Variants in APBA1 observed in about 807,000 individuals in gnomAD.
APBA1 encodes the protein amyloid beta precursor protein binding family A member 1.
APBA1 carries 55 observed loss-of-function variants against 86.6 expected under a neutral mutation model. The ratio of observed to expected loss-of-function variants is 0.64; its 90% CI spans 0.51 to 0.80. The LOEUF is 0.80. Among genes scored for constraint, APBA1 ranks in the 30% least tolerant of loss-of-function variants. The pLI is 0.00. For synonymous variants in APBA1, 511 were observed against 493.9 expected (o/e 1.03, Z -0.46); for missense variants, 1,090 against 1,183.0 (o/e 0.92, Z 1.15).
In APBA1 at chr9:69,429,497, G is replaced by A. The variant is rs1190653352; in HGVS notation, c.*1830C>T. ...AGTCCCTTTCCCCCCAGGGCACCTG[G>A]GCAGCCAGCGGCCTCCCTTCCTCAG... On this transcript the variant is annotated 3_prime_UTR_variant, in exon 13 of 13. Coordinates refer to ENST00000265381, the MANE Select transcript of APBA1 (RefSeq NM_001163.4). 2 of 152,284 alleles carry A rather than the reference G, an allele frequency of 1.3e-5. No individual in the cohort carries two copies. Among genetic ancestry groups the A allele is most frequent in the Non-Finnish European group, 2.9e-5 (2 of 68,124 alleles). The allele number at this position is 152,284 out of a possible 1,614,324, so 9.4% of individuals were successfully genotyped here.
chr9:69,497,049 G>C (rs1268568449), intron 2 of APBA1, among the ~76,000 whole-genome samples: 1 of 152,032 alleles, frequency 6.6e-6, no homozygotes, highest in Non-Finnish European at 1.5e-5. Flanking sequence ...GTTATAGAAA[G>C]CATCTACCCA....
intron 1 of APBA1, among the ~76,000 whole-genome samples, chr9:69,659,532 G>A (rs751111278): frequency 5.9e-5 from 9 of 151,952 alleles, no homozygotes; most frequent in African/African-American, 1.5e-4. Flanking sequence ...TCACCCCATC[G>A]CCTCTGCATC....
rs1409771910 is a variant in APBA1, at chr9:69,452,298, G to C, written c.1792C>G (p.Gln598Glu). 1.9e-6 allele frequency: 3 copies of C among 1,613,964 alleles called. No individual in the cohort carries two copies. The highest frequency in any genetic ancestry group is 8.5e-7 in the Non-Finnish European group (1 of 1,179,990). ...ICHVFESEDA[Q>E]LIAQSIGQAF... ...TGTCCGATGGACTGTGCAATCAGCT[G>C]AGCCTGGAACAGCAGCCAGAGAGGA... Residue 598 changes from glutamine (Q) to glutamate (E), a missense_variant, in exon 9 of 13, where the codon CAG becomes GAG. Gln to Glu is a conservative substitution (Grantham distance 29). Transcript: ENST00000265381.
intron 1 of APBA1, among the ~76,000 whole-genome samples, chr9:69,579,583 T>C (rs1821872942): frequency 6.6e-6 from 1 of 152,158 alleles, no homozygotes; most frequent in Non-Finnish European, 1.5e-5. Flanking sequence ...AATTATGTAA[T>C]TTGGCCAAGG....
intron 1 of APBA1, among the ~76,000 whole-genome samples, chr9:69,649,088 T>C (rs745629636): frequency 2.0e-4 from 30 of 152,168 alleles, no homozygotes; most frequent in Non-Finnish European, 3.7e-4. Context: ...TGAATATCTT[T>C]CCAGTCTGTC....
chr9:69,499,873 G>C (rs971264078), intron 2 of APBA1, among the ~76,000 whole-genome samples: 4 of 152,052 alleles, frequency 2.6e-5, no homozygotes, highest in African/African-American at 9.7e-5. Context: ...TCAGGATTTT[G>C]ACAATACCTC....
chr9:69,640,433 G>A (rs1265957756), intron 1 of APBA1, among the ~76,000 whole-genome samples: 10 of 151,954 alleles, frequency 6.6e-5, no homozygotes, highest in African/African-American at 2.2e-4. Flanking sequence ...CAAAAGCTTG[G>A]TTAATAATAC....
chr9:69,577,359 A>C (rs1205780773), intron 1 of APBA1, among the ~76,000 whole-genome samples: 1 of 152,198 alleles, frequency 6.6e-6, no homozygotes, highest in Non-Finnish European at 1.5e-5. Flanking sequence ...CATGAGACTG[A>C]GGGAAAACTA....
intron 1 of APBA1, among the ~76,000 whole-genome samples, chr9:69,552,142 G>C (rs1378481304): frequency 6.6e-6 from 1 of 152,210 alleles, no homozygotes; most frequent in African/African-American, 2.4e-5. Flanking sequence ...TATGACAATG[G>C]AAGAGGCTGT....
chr9:69,455,192 C>T (rs1835075016), intron 8 of APBA1, among the ~76,000 whole-genome samples: 1 of 152,140 alleles, frequency 6.6e-6, no homozygotes, highest in South Asian at 2.1e-4. Context: ...CTATCAGACG[C>T]CATCTTCTCT....
chr9:69,571,531 T>G (rs1837114225), intron 1 of APBA1, among the ~76,000 whole-genome samples: 2 of 152,154 alleles, frequency 1.3e-5, no homozygotes, highest in Non-Finnish European at 2.9e-5. Context: ...CACACATACA[T>G]ACACATAGAT....
intron 1 of APBA1, among the ~76,000 whole-genome samples, chr9:69,521,906 G>A (rs1161402026): frequency 6.6e-6 from 1 of 151,986 alleles, no homozygotes; most frequent in Non-Finnish European, 1.5e-5. Context: ...GTACATCATG[G>A]TAAAGGATGT....
In APBA1 at chr9:69,433,808, CTTT is replaced by C. The variant is rs35255395; in HGVS notation, c.2302-1135_2302-1133del. 2.6e-3 allele frequency among the ~76,000 whole-genome samples: 332 copies of C among 128,396 alleles called. 2 individuals carry two copies. The highest frequency in any genetic ancestry group is 8.6e-3 in the African/African-American group (293 of 34,228). The allele number at this position is 128,396 out of a possible 152,430, so 84.2% of individuals were successfully genotyped here. A position where few individuals can be genotyped will look rare whatever the true frequency, so the allele number is the denominator to read the frequency against. ...GGAATGATATTTTAATTACCTAGGACTTTTTTTTTTTTTTTTTTTTTAAGACAG... is the reference window on the plus strand; with the variant it reads ...GGAATGATATTTTAATTACCTAGGACTTTTTTTTTTTTTTTTTTAAGACAG... On this transcript the variant is annotated intron_variant, in intron 11 of 12. Transcript: ENST00000265381.
intron 9 of APBA1, among the ~76,000 whole-genome samples, chr9:69,450,056 GTTTTTTT>G (rs58417611): frequency 0.014 from 1,304 of 94,174 alleles, 28 homozygotes; most frequent in African/African-American, 0.053. Flanking sequence ...AGGACCACCA[GTTTTTTT>G]TTTTTTTTTT....
intron 1 of APBA1, among the ~76,000 whole-genome samples, chr9:69,654,489 G>C (rs1823569865): frequency 1.3e-5 from 2 of 151,836 alleles, no homozygotes; most frequent in Admixed American, 1.3e-4. Context: ...TCAAAAGAAA[G>C]CAAAGAAAGA....
chr9:69,528,745 CACACACACACACATACGT>C (rs1836380626), intron 1 of APBA1, among the ~76,000 whole-genome samples: 1 of 151,180 alleles, frequency 6.6e-6, no homozygotes, highest in Non-Finnish European at 1.5e-5. Context: ...ACCATTTTCA[CACACACACACACATACGT>C]ACACACACAC....
Position 69,655,478 on chromosome 9 carries a change from C to T in APBA1, c.-70+16675G>A, listed in dbSNP as rs534473001. On this transcript the variant is annotated intron_variant, in intron 1 of 12. Transcript: ENST00000265381. ...CGAAAAAAAATCAAGAAAGCAAATCCATTTACAATAGCTACAAAATAATAA... is the reference window on the plus strand; with the variant it reads ...CGAAAAAAAATCAAGAAAGCAAATCTATTTACAATAGCTACAAAATAATAA... Among the ~76,000 whole-genome samples the T allele has an allele frequency of 2.0e-5, 3 of 152,104 alleles. No individual in the cohort carries two copies. In the South Asian group the frequency reaches 6.2e-4, roughly 32 times the overall value.
intron 1 of APBA1, among the ~76,000 whole-genome samples, chr9:69,528,252 A>C (rs754364636): frequency 2.0e-5 from 3 of 152,118 alleles, no homozygotes; most frequent in Non-Finnish European, 2.9e-5. Context: ...CTAACCAGGC[A>C]GGAAAATTAA....
chr9:69,433,803 T>G lies in APBA1; in HGVS notation c.2302-1127A>C, dbSNP rs927138235. Reference sequence around the variant, plus strand: ...TATTTGGAATGATATTTTAATTACCTAGGACTTTTTTTTTTTTTTTTTTTT... The same window carrying G: ...TATTTGGAATGATATTTTAATTACCGAGGACTTTTTTTTTTTTTTTTTTTT... On this transcript the variant is annotated intron_variant, in intron 11 of 12. Coordinates refer to ENST00000265381, the MANE Select transcript of APBA1 (RefSeq NM_001163.4). 5.5e-5 allele frequency among the ~76,000 whole-genome samples: 8 copies of G among 146,584 alleles called. No homozygotes were observed. In the Admixed American group the frequency reaches 5.5e-4, roughly 10 times the overall value.
Sources: gnomAD v4.1 joint callset for allele counts (sites outside exome capture counted in the v4.1 genomes callset) on GRCh38, gnomAD v4.1.1 for gene constraint, MANE v1.5 for transcripts, NCBI Gene and HGNC (gene_info 2026-07-23, HGNC 2026-07-21) for gene names.